COPG1: variants seen among roughly 807,000 people sequenced by gnomAD.
COPG1 encodes the protein coatomer subunit gamma-1.
A neutral mutation model predicts 102.8 loss-of-function variants in COPG1; 29 were observed. That is an observed-to-expected ratio of 0.28 (90% CI 0.21 to 0.38). The LOEUF (loss-of-function observed/expected upper bound fraction) is 0.38, where lower values mean the gene tolerates loss of function less well. COPG1 is among the 10% of genes least tolerant of loss of function. The pLI is 1.00. For missense variants in COPG1, 875 were observed against 1,132.7 expected, an observed-to-expected ratio of 0.77 and a Z score of 3.27; for synonymous variants, 406 against 421.6, an observed-to-expected ratio of 0.96 and a Z score of 0.45.
intron 19 of COPG1, 107 bp from the exon 20 acceptor site, chr3:129,272,137 G>A (rs775682922): frequency 2.6e-6 from 3 of 1,144,992 alleles, no homozygotes; most frequent in Non-Finnish European, 3.8e-6. Context: ...GGACTGGGAT[G>A]GGAATCACCT....
At position 129,254,966 on chromosome 3, in the gene COPG1, C is replaced by G; in HGVS notation, c.400-19C>G. On this transcript the variant is annotated intron_variant, in intron 6 of 23. Coordinates refer to ENST00000314797, the MANE Select transcript of COPG1 (RefSeq NM_016128.4). ...AGGACTGACTGGATCTCCTTCCACC[C>G]TGCTCCTTTTGCCCACAGAGCACCA... The G allele has an allele frequency of 6.2e-7, 1 of 1,606,728 alleles. No homozygotes were observed. Among genetic ancestry groups the G allele is most frequent in the Non-Finnish European group, 8.5e-7 (1 of 1,173,200 alleles).
intron 23 of COPG1, among the ~76,000 whole-genome samples, chr3:129,276,521 A>G (rs749815244): frequency 6.6e-6 from 1 of 152,232 alleles, no homozygotes; most frequent in Non-Finnish European, 1.5e-5. Flanking sequence ...GAGTGTTTAT[A>G]AACAGGGTTG....
intron 1 of COPG1, among the ~76,000 whole-genome samples, chr3:129,250,249 G>A (rs887612345): frequency 6.6e-6 from 1 of 152,186 alleles, no homozygotes; most frequent in Non-Finnish European, 1.5e-5. Context: ...CTCAGTGCCT[G>A]AGCTAGGAAT....
chr3:129,250,504 ACCT>A (rs1939672160), intron 1 of COPG1, among the ~76,000 whole-genome samples, 175 bp from the exon 2 acceptor site: 1 of 152,174 alleles, frequency 6.6e-6, no homozygotes, highest in South Asian at 2.1e-4. Context: ...AGTGGAGCCC[ACCT>A]GCTTGCAGGA....
intron 12 of COPG1, 90 bp from the exon 13 acceptor site, chr3:129,263,814 C>T: frequency 9.1e-7 from 1 of 1,096,376 alleles, no homozygotes; most frequent in Non-Finnish European, 1.4e-6. Context: ...CCTGGCCTTA[C>T]CTAAGGAAGG....
Position 129,268,587 on chromosome 3 carries a change from C to G in COPG1, c.1741C>G (p.Leu581Val). 6.2e-7 allele frequency: 1 copy of G among 1,614,218 alleles called. No homozygotes were observed. The highest frequency in any genetic ancestry group is 8.5e-7 in the Non-Finnish European group (1 of 1,180,036). Reference protein sequence around the residue: ...EKPFDLKSVPLATAPMAEQRT... With the variant: ...EKPFDLKSVPVATAPMAEQRT... ...ACCTTTTGACCTCAAGTCTGTGCCCCTGGCCACGGCGCCCATGGCAGAGCA... is the reference window on the plus strand; with the variant it reads ...ACCTTTTGACCTCAAGTCTGTGCCCGTGGCCACGGCGCCCATGGCAGAGCA... Residue 581 changes from leucine (L) to valine (V), a missense_variant, in exon 17 of 24, where the codon CTG becomes GTG. Leu to Val is a conservative substitution (Grantham distance 32, BLOSUM62 1). Coordinates refer to ENST00000314797, the MANE Select transcript of COPG1 (RefSeq NM_016128.4).
At chr3:129,250,639 G>C (rs766381465) in intron 1 of COPG1, 43 bp from the exon 2 acceptor site, 1 of 1,549,136 alleles carries the variant, frequency 6.5e-7, no homozygotes, top group Admixed American at 1.7e-5. Context: ...GAGTTTTGAA[G>C]TTCAGAGTCA....
Position 129,260,357 on chromosome 3 carries a change from C to G in COPG1, c.896C>G (p.Pro299Arg). 6.2e-7 allele frequency: 1 copy of G among 1,614,092 alleles called. No individual in the cohort carries two copies. Among genetic ancestry groups the G allele is most frequent in the Non-Finnish European group, 8.5e-7 (1 of 1,180,004 alleles). The change falls in exon 11 of 24, where the codon CCC becomes CGC. Residue 299 changes from proline (P) to arginine (R), a missense_variant. Transcript: ENST00000314797. ...VSVLQLFCSS[P>R]KAALRYAAVR... ...GTGCTCCAGCTTTTCTGCAGCTCAC[C>G]CAAGGCTGCTCTCCGCTATGCTGCT...
intron 10 of COPG1, among the ~76,000 whole-genome samples, chr3:129,258,371 C>T (rs1056758763): frequency 6.6e-6 from 1 of 152,244 alleles, no homozygotes; most frequent in Admixed American, 6.5e-5. Flanking sequence ...TAGATCATGC[C>T]TATTACATAG....
intron 8 of COPG1, among the ~76,000 whole-genome samples, chr3:129,256,642 A>G (rs967673441): frequency 1.3e-5 from 2 of 152,244 alleles, no homozygotes; most frequent in Admixed American, 1.3e-4. Context: ...CAAAGCAGCA[A>G]GGACGAGCTG....
rs1182411922 is a variant in COPG1, at chr3:129,271,033, C to T, written c.1844-734C>T. On this transcript the variant is annotated intron_variant, in intron 18 of 23. Coordinates refer to ENST00000314797, the MANE Select transcript of COPG1 (RefSeq NM_016128.4). The surrounding 1 kb of genome is among the most constrained non-coding windows in gnomAD (Gnocchi z 4.7). ...ATACAGTTGATCCATGGTCATAGTGCGAGGAATCCTGCCATAGAATAGGTA... is the reference window on the plus strand; with the variant it reads ...ATACAGTTGATCCATGGTCATAGTGTGAGGAATCCTGCCATAGAATAGGTA... Among the ~76,000 whole-genome samples, 2 of 152,152 alleles carry T rather than the reference C, an allele frequency of 1.3e-5. No individual in the cohort carries two copies. The highest frequency in any genetic ancestry group is 4.8e-5 in the African/African-American group (2 of 41,420).
chr3:129,274,792 C>T lies in COPG1; in HGVS notation c.2257-46C>T, dbSNP rs759600606. On this transcript the variant is annotated intron_variant, in intron 21 of 23. Coordinates refer to ENST00000314797, the MANE Select transcript of COPG1 (RefSeq NM_016128.4). ...TGTGGATGAGTTCAGAGCAGAGGCC[C>T]GTAGGTGTGTAGATGGGTGCCTGAT... is the stretch of plus-strand genomic sequence containing the variant. 55 of 1,607,786 alleles carry T rather than the reference C, an allele frequency of 3.4e-5. No individual in the cohort carries two copies. In the Middle Eastern group the frequency reaches 9.2e-4, roughly 27 times the overall value.
intron 16 of COPG1, 60 bp from the exon 17 acceptor site, chr3:129,268,435 T>C (rs1359599212): frequency 6.3e-7 from 1 of 1,581,250 alleles, no homozygotes; most frequent in Non-Finnish European, 8.6e-7. Context: ...GCCTCCATGG[T>C]GGTCCCTGGT....
chr3:129,272,884 G>A lies in COPG1; in HGVS notation c.2236G>A (p.Gly746Ser), dbSNP rs781583384. The change falls in exon 21 of 24, where the codon GGC (glycine) becomes AGC (serine). Residue 746 changes from glycine (G) to serine (S), a missense_variant. Coordinates refer to ENST00000314797, the MANE Select transcript of COPG1 (RefSeq NM_016128.4). ...DPTTGETDDEGYEDEYVLEDL... is the reference protein window; with the variant it reads ...DPTTGETDDESYEDEYVLEDL... The stretch of plus-strand genomic sequence containing the variant: ...CACCACTGGGGAGACTGATGACGAA[G>A]GCTATGAGGATGAGTATGTGGTAAG... 10 of 1,609,386 alleles carry A rather than the reference G, an allele frequency of 6.2e-6. No homozygotes were observed. The African/African-American group carries it at 9.3e-5, about 15-fold the overall frequency.
chr3:129,263,937 C>G lies in COPG1; in HGVS notation c.1162C>G (p.Gln388Glu). ...TGTCCAGGCCATCAGTGCCCTGTGT[C>G]AGAAATATCCTCGCAAACACGCCGT... Reference protein sequence around the residue: ...VVVQAISALCQKYPRKHAVLM... With the variant: ...VVVQAISALCEKYPRKHAVLM... Residue 388 changes from glutamine to glutamate, a missense_variant, in exon 13 of 24, where the codon CAG becomes GAG. Physicochemically the swap from Gln to Glu is conservative, Grantham distance 29 (BLOSUM62 2). Transcript: ENST00000314797. 6.2e-7 allele frequency: 1 copy of G among 1,614,140 alleles called. No individual in the cohort carries two copies. Among genetic ancestry groups the G allele is most frequent in the Non-Finnish European group, 8.5e-7 (1 of 1,180,008 alleles).
rs146204995 is a variant in COPG1 at position 129,260,996 on chromosome 3, C to T, written c.1128+189C>T. Among the ~76,000 whole-genome samples the T allele has an allele frequency of 5.9e-5, 9 of 152,354 alleles. No individual in the cohort carries two copies. The East Asian group carries it at 1.7e-3, about 29-fold the overall frequency. The stretch of plus-strand genomic sequence containing the variant: ...AATGTGCGTAGTCCTGCCTCCAGGC[C>T]TCCATCCATATCGTCCCCTTGTACT... On this transcript the variant is annotated intron_variant, in intron 12 of 23. Coordinates refer to ENST00000314797, the MANE Select transcript of COPG1 (RefSeq NM_016128.4).
chr3:129,259,376 A>G (rs756073818), intron 10 of COPG1, among the ~76,000 whole-genome samples: 4 of 150,658 alleles, frequency 2.7e-5, no homozygotes, highest in Admixed American at 6.7e-5. Context: ...CAGGAGAATC[A>G]CTTGAACCTG....
At chr3:129,273,344 A>G (rs1360121132) in intron 21 of COPG1, among the ~76,000 whole-genome samples, 2 of 152,228 alleles carry the variant, frequency 1.3e-5, no homozygotes, top group Admixed American at 6.5e-5. Context: ...TTTTAAACTT[A>G]TGGAAATACA....
chr3:129,250,668 G>T lies in COPG1; in HGVS notation c.38-14G>T, dbSNP rs79824567. 5,034 of 1,612,750 alleles carry T rather than the reference G, an allele frequency of 3.1e-3. 135 individuals are homozygous for T. The African/African-American group carries it at 0.058, about 18-fold the overall frequency. On this transcript the variant is annotated splice_polypyrimidine_tract_variant and intron_variant, in intron 1 of 23. Transcript: ENST00000314797. ...AGAGTCACAACCTACCTTCTCCATTGTCCTTGACCGTAGGTGGAGGCTCCA... is the reference window on the plus strand; with the variant it reads ...AGAGTCACAACCTACCTTCTCCATTTTCCTTGACCGTAGGTGGAGGCTCCA...
Sources: allele counts gnomAD v4.1 joint callset (sites outside exome capture counted in the v4.1 genomes callset), GRCh38; gene constraint gnomAD v4.1.1; non-coding constraint Gnocchi (gnomAD v3.1); transcripts MANE v1.5; gene names NCBI Gene and HGNC (gene_info 2026-07-23, HGNC 2026-07-21).